FRMPD1: variants seen among roughly 807,000 people sequenced by gnomAD.
The protein encoded by FRMPD1 is FERM and PDZ domain containing 1.
A neutral mutation model predicts 117.8 loss-of-function variants in FRMPD1; 76 were observed. The observed-to-expected ratio is 0.65, with a 90% CI of 0.54 to 0.78. The LOEUF (loss-of-function observed/expected upper bound fraction) is 0.78. Ranked by LOEUF, FRMPD1 falls within the 30% of genes least tolerant of loss-of-function variation. FRMPD1 has a pLI of 0.00. For missense variants in FRMPD1, 1,786 were observed against 1,964.5 expected (o/e 0.91, Z 1.72); for synonymous variants, 783 against 770.4 (o/e 1.02, Z -0.27).
chr9:37,607,892 A>T, the FRMPD1 span, among the ~76,000 whole-genome samples: 1 of 152,250 alleles, frequency 6.6e-6, no homozygotes, highest in African/African-American at 2.4e-5. Flanking sequence ...GCTAAAGATC[A>T]CTGAATAAAT....
chr9:37,645,138 G>C, the FRMPD1 span, among the ~76,000 whole-genome samples: 2 of 150,056 alleles, frequency 1.3e-5, no homozygotes, highest in Admixed American at 1.3e-4. Context: ...TTTTACAAAA[G>C]AGATAAAAAG....
chr9:37,671,383 G>GT (rs1207747824), intron 1 of FRMPD1, among the ~76,000 whole-genome samples: 1 of 152,062 alleles, frequency 6.6e-6, no homozygotes, highest in South Asian at 2.1e-4. Flanking sequence ...TGTTACCGTT[G>GT]TTTTTTTCAG....
intron 1 of FRMPD1, among the ~76,000 whole-genome samples, chr9:37,673,688 C>T (rs1000972000): frequency 1.3e-5 from 2 of 152,260 alleles, no homozygotes; most frequent in African/African-American, 4.8e-5. Context: ...CTTCTGAAAT[C>T]TAGGCAAAGG....
the FRMPD1 span, among the ~76,000 whole-genome samples, chr9:37,642,260 A>C: frequency 1.1e-4 from 16 of 152,220 alleles, no homozygotes; most frequent in African/African-American, 3.1e-4. Flanking sequence ...GACACATGAT[A>C]CTTGCTTGTT....
At chr9:37,610,706 T>G in the FRMPD1 span, among the ~76,000 whole-genome samples, 5 of 151,894 alleles carry the variant, frequency 3.3e-5, no homozygotes, top group Non-Finnish European at 7.4e-5. Flanking sequence ...GAGATTCTCC[T>G]GCCACAGCCT....
chr9:37,627,445 T>C, the FRMPD1 span, among the ~76,000 whole-genome samples: 1 of 152,218 alleles, frequency 6.6e-6, no homozygotes, highest in Non-Finnish European at 1.5e-5. Flanking sequence ...TCATCTCCAG[T>C]CATTGTTGAG....
In FRMPD1 at chr9:37,741,450, GACACACACACACAC is replaced by G. The variant is rs56971939; in HGVS notation, c.2356+595_2356+608del. On this transcript the variant is annotated intron_variant, in intron 15 of 15. Coordinates refer to ENST00000377765, the MANE Select transcript of FRMPD1 (RefSeq NM_014907.3). Reference sequence around the variant, plus strand: ...CCAAGCAGAACTGAGATCCTGGCAGGACACACACACACACACACACACACACACACACACACACA... The same window carrying G: ...CCAAGCAGAACTGAGATCCTGGCAGGACACACACACACACACACACACACA... Among the ~76,000 whole-genome samples, 747 of 135,740 alleles carry G rather than the reference GACACACACACACAC, an allele frequency of 5.5e-3. 6 individuals carry two copies. The highest frequency in any genetic ancestry group is 7.6e-3 in the Middle Eastern group (2 of 262). The allele number at this position is 135,740 out of a possible 152,430, so 89.1% of individuals were successfully genotyped here.
chr9:37,631,373 C>T, the FRMPD1 span, among the ~76,000 whole-genome samples: 1 of 152,192 alleles, frequency 6.6e-6, no homozygotes, highest in Non-Finnish European at 1.5e-5. Context: ...GAAACACTTG[C>T]CATCGCTTAG....
At chr9:37,700,014 T>C (rs1468138781) in intron 2 of FRMPD1, among the ~76,000 whole-genome samples, 1 of 152,240 alleles carries the variant, frequency 6.6e-6, no homozygotes, top group Non-Finnish European at 1.5e-5. Context: ...ATAAGAAGTC[T>C]ATTTACTAAT....
At chr9:37,630,491 C>T in the FRMPD1 span, among the ~76,000 whole-genome samples, 1 of 152,154 alleles carries the variant, frequency 6.6e-6, no homozygotes, top group Non-Finnish European at 1.5e-5. Flanking sequence ...AGCGATTCTC[C>T]TGCCTCAGCC....
At chr9:37,652,529 G>A (rs67691219) in intron 1 of FRMPD1, among the ~76,000 whole-genome samples, 32,118 of 152,016 alleles carry the variant, frequency 0.21, 3,490 homozygotes, top group Middle Eastern at 0.25. Context: ...TTCCTTCCTC[G>A]ACATCCTGGT....
chr9:37,654,577 A>G (rs549342793), intron 1 of FRMPD1, among the ~76,000 whole-genome samples: 21 of 152,352 alleles, frequency 1.4e-4, no homozygotes, highest in Admixed American at 1.3e-3. Context: ...GGGTTGTTGG[A>G]TAACTGAATG....
chr9:37,660,792 A>G (rs1196213176), intron 1 of FRMPD1, among the ~76,000 whole-genome samples: 1 of 152,054 alleles, frequency 6.6e-6, no homozygotes, highest in African/African-American at 2.4e-5. Flanking sequence ...TCCCCACTTG[A>G]CTGTGAGCTT....
At chr9:37,648,894 GT>G (rs1204003341), upstream of FRMPD1, among the ~76,000 whole-genome samples, 1 of 152,162 alleles carries the variant, frequency 6.6e-6, no homozygotes, top group Non-Finnish European at 1.5e-5. Context: ...AAGACAGAAG[GT>G]TTGGCTGAAA....
chr9:37,647,718 T>C (rs957799621), upstream of FRMPD1, among the ~76,000 whole-genome samples: 2 of 152,194 alleles, frequency 1.3e-5, no homozygotes, highest in African/African-American at 2.4e-5. Context: ...ATGGGTGTGC[T>C]GCGTGCTTTA....
At chr9:37,704,825 AAC>A (rs1250949604) in intron 2 of FRMPD1, among the ~76,000 whole-genome samples, 2 of 151,494 alleles carry the variant, frequency 1.3e-5, no homozygotes, top group African/African-American at 4.9e-5. Context: ...TTTAATTTAG[AAC>A]TTTTTTTTTT....
intron 15 of FRMPD1, among the ~76,000 whole-genome samples, chr9:37,743,520 CT>C (rs531949141): frequency 7.3e-5 from 3 of 40,934 alleles, no homozygotes; most frequent in Non-Finnish European, 9.5e-5. Context: ...AATGGCTCTG[CT>C]TTTTTTTTTT....
chr9:37,643,536 T>G, the FRMPD1 span, among the ~76,000 whole-genome samples: 1 of 152,324 alleles, frequency 6.6e-6, no homozygotes, highest in East Asian at 1.9e-4. Flanking sequence ...AAACAATTTT[T>G]CCTCATTTTG....
chr9:37,610,729 C>T, the FRMPD1 span, among the ~76,000 whole-genome samples: 65 of 152,018 alleles, frequency 4.3e-4, no homozygotes, highest in Admixed American at 1.6e-3. Context: ...TGAGTAGCTG[C>T]GATTACAGGC....
Sources: allele counts gnomAD v4.1 joint callset (sites outside exome capture counted in the v4.1 genomes callset), GRCh38; gene constraint gnomAD v4.1.1; transcripts MANE v1.5; gene names NCBI Gene and HGNC (gene_info 2026-07-23, HGNC 2026-07-21).